DNAJC25: variants seen among roughly 807,000 people sequenced by gnomAD.
DNAJC25 encodes the protein DnaJ heat shock protein family (Hsp40) member C25, also known as dnaJ homolog subfamily C member 25.
DNAJC25 carries 26 observed loss-of-function variants against 42.1 expected under a neutral mutation model. The ratio of observed to expected loss-of-function variants is 0.62; its 90% CI spans 0.45 to 0.86. DNAJC25 has a LOEUF of 0.86. Ranked by LOEUF, DNAJC25 falls within the 40% of genes least tolerant of loss-of-function variation. The pLI is 0.00. For synonymous variants in DNAJC25, 189 were observed against 179.9 expected, an observed-to-expected ratio of 1.05 and a Z score of -0.40; for missense variants, 404 against 459.4, an observed-to-expected ratio of 0.88 and a Z score of 1.10.
rs1305310696 is a variant in DNAJC25 at position 111,649,670 on chromosome 9, A to G, written c.707A>G (p.Tyr236Cys). The G allele has an allele frequency of 1.2e-6, 2 of 1,614,070 alleles. No homozygotes were observed. The highest frequency in any genetic ancestry group is 8.5e-7 in the Non-Finnish European group (1 of 1,179,984). The stretch of plus-strand genomic sequence containing the variant: ...AGTAAAATAGATATAAAGGGGGGCT[A>G]TCAGAAACCCCAAATCTGTGATCTT... Reference protein sequence around the residue: ...IKSKIDIKGGYQKPQICDLLL... With the variant: ...IKSKIDIKGGCQKPQICDLLL... The change falls in exon 3 of 4, where the codon TAT becomes TGT. Residue 236 changes from tyrosine to cysteine, a missense_variant. Transcript: ENST00000313525.
chr9:111,647,847 C>T (rs149007001), intron 2 of DNAJC25, among the ~76,000 whole-genome samples: 3,038 of 152,156 alleles, frequency 0.02, 119 homozygotes, highest in African/African-American at 0.07. Flanking sequence ...GGCACAATTT[C>T]GGCTCACTGC....
intron 1 of DNAJC25, among the ~76,000 whole-genome samples, chr9:111,640,125 G>A (rs1211726479): frequency 7.1e-6 from 1 of 140,804 alleles, no homozygotes; most frequent in Admixed American, 7.5e-5. Context: ...ACGGGGTTTC[G>A]CTGTGTTGGC....
At position 111,631,519 on chromosome 9, in the gene DNAJC25, G is replaced by T. The variant is rs770523679; in HGVS notation, c.112G>T (p.Ala38Ser). Residue 38 changes from alanine (A) to serine (S), a missense_variant, in exon 1 of 4, where the codon GCC (alanine) becomes TCC (serine). Ala to Ser is a moderately conservative substitution (Grantham distance 99). Coordinates refer to ENST00000313525, the MANE Select transcript of DNAJC25 (RefSeq NM_001015882.3). ...PALLLVRPAG[A>S]LVEGLYCGTR... is the part of the protein sequence containing the mutation. ...GCTGCTGCTGGTGCGGCCCGCGGGG[G>T]CCCTGGTGGAGGGGCTCTACTGCGG... 4 of 1,336,156 alleles carry T rather than the reference G, an allele frequency of 3.0e-6. No homozygotes were observed. The South Asian group carries it at 5.9e-5, about 20-fold the overall frequency. 82.8% of individuals were successfully genotyped at this position (1,336,156 alleles called of 1,614,324 possible). A position where few individuals can be genotyped will look rare whatever the true frequency, so the allele number is the denominator to read the frequency against.
At chr9:111,640,927 A>G (rs1448290025) in intron 1 of DNAJC25, among the ~76,000 whole-genome samples, 1 of 80,650 alleles carries the variant, frequency 1.2e-5, no homozygotes, top group African/African-American at 8.6e-5. Context: ...CCGTCCGGCC[A>G]GCCGTGCCGT....
Position 111,653,312 on chromosome 9 carries a change from T to G in DNAJC25, c.*90T>G. On this transcript the variant is annotated 3_prime_UTR_variant, in exon 4 of 4. Transcript: ENST00000313525. ...TAGAAATGTATCAATTGACTGCTGC[T>G]CAGCAGTAACTAAAATTCCTCAAGT... 2 of 1,315,438 alleles carry G rather than the reference T, an allele frequency of 1.5e-6. No individual in the cohort carries two copies. Among genetic ancestry groups the G allele is most frequent in the Non-Finnish European group, 2.0e-6 (2 of 1,012,404 alleles). 81.5% of individuals were successfully genotyped at this position (1,315,438 alleles called of 1,614,324 possible). A position where few individuals can be genotyped will look rare whatever the true frequency, so the allele number is the denominator to read the frequency against.
intron 1 of DNAJC25, among the ~76,000 whole-genome samples, chr9:111,646,381 A>C (rs1200144567): frequency 6.6e-6 from 1 of 152,206 alleles, no homozygotes; most frequent in Non-Finnish European, 1.5e-5. Context: ...AATTCTTTCA[A>C]GGAGTTGGTA....
At chr9:111,646,846 G>A (rs1410298741) in intron 1 of DNAJC25, among the ~76,000 whole-genome samples, 1 of 152,164 alleles carries the variant, frequency 6.6e-6, no homozygotes, top group Non-Finnish European at 1.5e-5. Flanking sequence ...GTTAATAAGT[G>A]TTTTTATTTT....
At position 111,631,669 on chromosome 9, in the gene DNAJC25, G is replaced by A; in HGVS notation, c.262G>A (p.Glu88Lys). The A allele has an allele frequency of 6.6e-7, 1 of 1,521,456 alleles. No individual in the cohort carries two copies. Among genetic ancestry groups the A allele is most frequent in the Non-Finnish European group, 8.8e-7 (1 of 1,141,070 alleles). The allele number at this position is 1,521,456 out of a possible 1,614,324, so 94.2% of individuals were successfully genotyped here. A position where few individuals can be genotyped will look rare whatever the true frequency, so the allele number is the denominator to read the frequency against. The change falls in exon 1 of 4, where the codon GAG becomes AAG. Residue 88 changes from glutamate to lysine, a missense_variant. Transcript: ENST00000313525. ...PDRYRPQPGD[E>K]GPGRTPQSAE... ...CCGCTACCGGCCCCAGCCCGGAGAC[G>A]AGGGCCCCGGGCGGACGCCGCAGAG...
intron 1 of DNAJC25, among the ~76,000 whole-genome samples, chr9:111,643,711 G>T (rs1830522342): frequency 6.6e-6 from 1 of 151,398 alleles, no homozygotes; most frequent in South Asian, 2.1e-4. Context: ...TTTAACTTTG[G>T]CCATGGGAAA....
chr9:111,650,809 G>A (rs985955577), intron 3 of DNAJC25, among the ~76,000 whole-genome samples: 1 of 152,170 alleles, frequency 6.6e-6, no homozygotes, highest in Non-Finnish European at 1.5e-5. Context: ...ACCTGCTTAA[G>A]AAGTCTGAGA....
At chr9:111,633,410 T>C (rs746623767) in intron 1 of DNAJC25, among the ~76,000 whole-genome samples, 9 of 152,226 alleles carry the variant, frequency 5.9e-5, no homozygotes, top group Non-Finnish European at 1.2e-4. Context: ...GTATATCAGT[T>C]ATCCCATTAT....
chr9:111,636,965 T>C (rs1276722954), intron 1 of DNAJC25, among the ~76,000 whole-genome samples: 1 of 152,210 alleles, frequency 6.6e-6, no homozygotes, highest in African/African-American at 2.4e-5. Context: ...ATATACTAGC[T>C]GTGTTTGATC....
At chr9:111,652,439 C>A (rs7866800) in intron 3 of DNAJC25, among the ~76,000 whole-genome samples, 16,671 of 146,036 alleles carry the variant, frequency 0.11, 3,237 homozygotes, top group African/African-American at 0.4. Flanking sequence ...TGCTTGAATC[C>A]AGGAGGCAGA....
At chr9:111,650,984 G>A (rs952546284) in intron 3 of DNAJC25, among the ~76,000 whole-genome samples, 18 of 152,038 alleles carry the variant, frequency 1.2e-4, no homozygotes, top group Non-Finnish European at 2.6e-4. Context: ...GTGTTATTTA[G>A]GGCTGGGTGT....
intron 3 of DNAJC25, among the ~76,000 whole-genome samples, chr9:111,652,648 T>A (rs1305791673): frequency 6.6e-6 from 1 of 151,400 alleles, no homozygotes; most frequent in Non-Finnish European, 1.5e-5. Context: ...TTCAAGCAGT[T>A]CTCCTGCCTC....
At chr9:111,639,892 G>A (rs1830419749) in intron 1 of DNAJC25, among the ~76,000 whole-genome samples, 1 of 144,350 alleles carries the variant, frequency 6.9e-6, no homozygotes, top group Non-Finnish European at 1.5e-5. Flanking sequence ...TAAAGGCAAG[G>A]AGGAGCTCTC....
At position 111,649,559 on chromosome 9, in the gene DNAJC25, A is replaced by G. The variant is rs752247206; in HGVS notation, c.596A>G (p.Lys199Arg). The stretch of plus-strand genomic sequence containing the variant: ...ATTGCCAAGCAGCAGGGACTGCTCA[A>G]AAAAGCCAAAGAAAAAGGCAAAAAC... ...TEIAKQQGLL[K>R]KAKEKGKNKK... Residue 199 changes from lysine (K) to arginine (R), a missense_variant, in exon 3 of 4, where the codon AAA becomes AGA. Coordinates refer to ENST00000313525, the MANE Select transcript of DNAJC25 (RefSeq NM_001015882.3). The G allele has an allele frequency of 6.2e-7, 1 of 1,614,140 alleles. No individual in the cohort carries two copies. The highest frequency in any genetic ancestry group is 1.1e-5 in the South Asian group (1 of 91,080).
intron 1 of DNAJC25, among the ~76,000 whole-genome samples, chr9:111,633,721 G>A (rs1379595062): frequency 3.9e-5 from 6 of 152,122 alleles, no homozygotes; most frequent in African/African-American, 1.2e-4. Context: ...AAATAGTGAT[G>A]GTAGAGATTC....
chr9:111,647,012 C>T (rs2131267440), intron 1 of DNAJC25, 95 bp from the exon 2 acceptor site: 1 of 1,327,766 alleles, frequency 7.5e-7, no homozygotes, highest in Non-Finnish European at 9.9e-7. Flanking sequence ...ATTAACCTTA[C>T]ATAATTATAA....
Sources: gnomAD v4.1 joint callset for allele counts (sites outside exome capture counted in the v4.1 genomes callset) on GRCh38, gnomAD v4.1.1 for gene constraint, MANE v1.5 for transcripts, NCBI Gene and HGNC (gene_info 2026-07-23, HGNC 2026-07-21) for gene names.